Variants in XPO7 observed in about 807,000 individuals in gnomAD.
The protein encoded by XPO7 is exportin-7.
In XPO7, 21 loss-of-function variants were observed where a neutral mutation model predicts 144.3. The observed-to-expected ratio is 0.15, with a 90% CI of 0.10 to 0.21. XPO7 has a LOEUF of 0.21. Among genes scored for constraint, XPO7 ranks in the 10% least tolerant of loss-of-function variants. The probability of loss-of-function intolerance (pLI) is 1.00; values close to 1 mark genes in which losing one functional copy is unlikely to be tolerated. For synonymous variants in XPO7, 580 were observed against 499.6 expected, an observed-to-expected ratio of 1.16 and a Z score of -2.15; for missense variants, 808 against 1,325.8, an observed-to-expected ratio of 0.61 and a Z score of 6.06.
At chr8:21,933,054 A>T (rs1371274923) in intron 1 of XPO7, among the ~76,000 whole-genome samples, 1 of 151,528 alleles carries the variant, frequency 6.6e-6, no homozygotes, top group Admixed American at 6.6e-5. Flanking sequence ...TCACATTCTA[A>T]GGTTTTAGAA....
intron 1 of XPO7, among the ~76,000 whole-genome samples, chr8:21,928,443 G>A (rs1810533168): frequency 6.6e-6 from 1 of 152,304 alleles, no homozygotes; most frequent in East Asian, 1.9e-4. Flanking sequence ...TTTCTCTTGA[G>A]TACCTGGGAG....
chr8:21,985,895 A>G (rs1178503926), intron 13 of XPO7, among the ~76,000 whole-genome samples: 3 of 152,250 alleles, frequency 2.0e-5, no homozygotes, highest in Non-Finnish European at 4.4e-5. Context: ...CAGAAAGGAA[A>G]TAATGGATAC....
At chr8:21,985,760 C>T in intron 13 of XPO7, 69 bp downstream of exon 13, 1 of 1,371,810 alleles carries the variant, frequency 7.3e-7, no homozygotes, top group Non-Finnish European at 1.0e-6. Flanking sequence ...ATAGGGTCCT[C>T]TCCACTTACA....
chr8:21,958,137 G>A (rs1811600635), intron 1 of XPO7, among the ~76,000 whole-genome samples: 1 of 152,096 alleles, frequency 6.6e-6, no homozygotes, highest in Non-Finnish European at 1.5e-5. Context: ...TTTAAAAAGT[G>A]GCAATAAATA....
At chr8:21,955,936 C>T (rs996495411) in intron 1 of XPO7, among the ~76,000 whole-genome samples, 10 of 151,976 alleles carry the variant, frequency 6.6e-5, no homozygotes, top group African/African-American at 2.2e-4. Flanking sequence ...ACCCTGTTGG[C>T]CAGGATGGTC....
At chr8:22,002,031 T>C in intron 24 of XPO7, 81 bp from the exon 25 acceptor site, 1 of 1,491,188 alleles carries the variant, frequency 6.7e-7, no homozygotes, top group Non-Finnish European at 9.0e-7. Flanking sequence ...GGTACCCTAA[T>C]GGATCTCACC....
At chr8:22,004,785 GAGCCCAAGGT>G (rs1813268177) in intron 27 of XPO7, among the ~76,000 whole-genome samples, 200 bp from the exon 28 acceptor site, 1 of 151,906 alleles carries the variant, frequency 6.6e-6, no homozygotes, top group Non-Finnish European at 1.5e-5. Context: ...GTGCTGCCAT[GAGCCCAAGGT>G]AGCCCTCAGG....
In XPO7 at chr8:21,980,066, G is replaced by A. The variant is rs766986576; in HGVS notation, c.838-18G>A. 5 of 1,560,016 alleles carry A rather than the reference G, an allele frequency of 3.2e-6. No individual in the cohort carries two copies. In the Admixed American group the frequency reaches 7.8e-5, roughly 24 times the overall value. On this transcript the variant is annotated intron_variant, in intron 8 of 27. Transcript: ENST00000252512. ...CAGTCTTTTTAATCGTTGTGTTTGG[G>A]TTCTGCCCTGCATTTAGGTATTATC...
chr8:21,988,194 A>T (rs1489828650), intron 15 of XPO7, among the ~76,000 whole-genome samples: 1 of 152,166 alleles, frequency 6.6e-6, no homozygotes, highest in African/African-American at 2.4e-5. Context: ...TGCTCCAGGG[A>T]TGCCCAGCAT....
At chr8:21,984,956 G>C in intron 12 of XPO7, 117 bp downstream of exon 12, 1 of 1,072,214 alleles carries the variant, frequency 9.3e-7, no homozygotes, top group Non-Finnish European at 1.3e-6. Flanking sequence ...ATCATCTGTT[G>C]TCTCCATATG....
At chr8:21,998,990 C>A in intron 22 of XPO7, 101 bp from the exon 23 acceptor site, 2 of 1,490,188 alleles carry the variant, frequency 1.3e-6, no homozygotes. Context: ...CCACCTGTCA[C>A]CAGGGGCCTA....
chr8:21,964,294 A>C (rs1184636026), intron 1 of XPO7: 1 of 152,224 alleles, frequency 6.6e-6, no homozygotes, highest in Non-Finnish European at 1.5e-5. Context: ...AACATTGGAC[A>C]TAGATGTTAT....
At chr8:21,937,536 C>T (rs1426323564) in intron 1 of XPO7, among the ~76,000 whole-genome samples, 12 of 152,186 alleles carry the variant, frequency 7.9e-5, no homozygotes, top group Admixed American at 7.9e-4. Flanking sequence ...CCTCTGTTCC[C>T]ATCACTGCTT....
At position 21,946,475 on chromosome 8, in the gene XPO7, C is replaced by G. The variant is rs186019313; in HGVS notation, c.19-20382C>G. ...ATACTGTTCAGATTACAGCACGGGGCGACAAAGGACATGAAAACTGCAAGT... is the reference window on the plus strand; with the variant it reads ...ATACTGTTCAGATTACAGCACGGGGGGACAAAGGACATGAAAACTGCAAGT... On this transcript the variant is annotated intron_variant, in intron 1 of 27. Transcript: ENST00000252512. 3.2e-4 allele frequency among the ~76,000 whole-genome samples: 48 copies of G among 148,786 alleles called. No homozygotes were observed. In the South Asian group the frequency reaches 0.01, roughly 31 times the overall value.
At chr8:21,938,460 T>C (rs1220238338) in intron 1 of XPO7, among the ~76,000 whole-genome samples, 2 of 152,194 alleles carry the variant, frequency 1.3e-5, no homozygotes, top group Non-Finnish European at 2.9e-5. Context: ...TTTAGTTCAT[T>C]ATATCAGGAC....
At position 22,001,287 on chromosome 8, in the gene XPO7, C is replaced by T. The variant is rs116369100; in HGVS notation, c.2783-825C>T. ...TGCCACTTCTGCACTCCAGCCCGGG[C>T]GACAGAACGAGACTCCGTATCAAAA... On this transcript the variant is annotated intron_variant, in intron 24 of 27. Transcript: ENST00000252512. Among the ~76,000 whole-genome samples the T allele has an allele frequency of 9.0e-3, 1,335 of 148,764 alleles. 22 individuals carry two copies. Among genetic ancestry groups the T allele is most frequent in the African/African-American group, 0.032 (1,282 of 40,312 alleles).
At chr8:21,961,868 G>A (rs763059923) in intron 1 of XPO7, among the ~76,000 whole-genome samples, 5 of 152,130 alleles carry the variant, frequency 3.3e-5, no homozygotes, top group Non-Finnish European at 4.4e-5. Context: ...TCATCACGTC[G>A]GCCATGCCGG....
At chr8:21,923,309 C>A (rs184811828) in intron 1 of XPO7, among the ~76,000 whole-genome samples, 1 of 152,060 alleles carries the variant, frequency 6.6e-6, no homozygotes, top group Non-Finnish European at 1.5e-5. Context: ...GGAGCACACA[C>A]GTAGATACAA....
intron 1 of XPO7, among the ~76,000 whole-genome samples, chr8:21,924,712 AAT>A (rs1180106667): frequency 5.3e-5 from 8 of 152,162 alleles, no homozygotes; most frequent in South Asian, 2.1e-4. Context: ...CTAGAGTTTA[AAT>A]ATATGTTTCT....
Sources: gnomAD v4.1 joint callset for allele counts (sites outside exome capture counted in the v4.1 genomes callset) on GRCh38, gnomAD v4.1.1 for gene constraint, MANE v1.5 for transcripts, NCBI Gene and HGNC (gene_info 2026-07-23, HGNC 2026-07-21) for gene names.